ABCC4: variants seen among roughly 807,000 people sequenced by gnomAD.
ABCC4 encodes ATP-binding cassette sub-family C member 4.
ABCC4 carries 102 observed loss-of-function variants against 168.5 expected under a neutral mutation model. The ratio of observed to expected loss-of-function variants is 0.61; its 90% CI spans 0.52 to 0.71. The LOEUF (loss-of-function observed/expected upper bound fraction) is 0.71. Ranked by LOEUF, ABCC4 falls within the 30% of genes least tolerant of loss-of-function variation. The pLI, the probability that ABCC4 is intolerant of heterozygous loss-of-function variation, is 0.00. For synonymous variants in ABCC4, 617 were observed against 590.7 expected (o/e 1.04, Z -0.65); for missense variants, 1,402 against 1,605.8 (o/e 0.87, Z 2.17).
Position 95,073,308 on chromosome 13 carries a change from C to T in ABCC4, c.2918-4G>A, listed in dbSNP as rs775696518. 39 of 1,610,686 alleles carry T rather than the reference C, an allele frequency of 2.4e-5. No individual in the cohort carries two copies. The highest frequency in any genetic ancestry group is 2.3e-4 in the Admixed American group (14 of 59,846). On this transcript the variant is annotated splice_region_variant and splice_polypyrimidine_tract_variant and intron_variant, in intron 23 of 30. Coordinates refer to ENST00000645237, the MANE Select transcript of ABCC4 (RefSeq NM_005845.5). ...CCAACCTGCCCGGCATCCAGAGCTACGTAAGGAGGAAGAAGGGAATAAAGT... is the reference window on the plus strand; with the variant it reads ...CCAACCTGCCCGGCATCCAGAGCTATGTAAGGAGGAAGAAGGGAATAAAGT...
chr13:95,173,324 A>G (rs2037543671), intron 13 of ABCC4, among the ~76,000 whole-genome samples: 1 of 152,222 alleles, frequency 6.6e-6, no homozygotes, highest in Non-Finnish European at 1.5e-5. Flanking sequence ...TTCGCAGTCT[A>G]GTGCGGGGGC....
chr13:95,222,676 A>T (rs1412051529), intron 4 of ABCC4, among the ~76,000 whole-genome samples: 3 of 152,186 alleles, frequency 2.0e-5, no homozygotes, highest in Admixed American at 6.5e-5. Flanking sequence ...AATTCTCACC[A>T]GACCAGAGTG....
At chr13:95,259,430 G>A (rs973616442) in intron 1 of ABCC4, among the ~76,000 whole-genome samples, 1 of 151,918 alleles carries the variant, frequency 6.6e-6, no homozygotes, top group African/African-American at 2.4e-5. Context: ...CTAAGGCAAG[G>A]TTTCTCAGCC....
chr13:95,141,612 G>T (rs796381851), intron 19 of ABCC4, among the ~76,000 whole-genome samples: 5 of 152,200 alleles, frequency 3.3e-5, no homozygotes, highest in African/African-American at 1.2e-4. Context: ...GCCCATTTTT[G>T]AAAAGAACCT....
rs985424247 is a variant in ABCC4, at chr13:95,234,703, G to C, written c.438C>G (p.Leu146=). The change falls in exon 4 of 31, where the codon CTC becomes CTG. Residue 146 remains leucine (L), a synonymous_variant. Transcript: ENST00000645237. ...ATAAGTGATGCAGTATAGCCAAAAT[G>C]AGCGTGCAAAAAGTCAGCACCGTGG... The part of the protein sequence containing the change: ...AYATVLTFCT[L]ILAILHHLYF... 1.1e-5 allele frequency: 18 copies of C among 1,614,130 alleles called. No homozygotes were observed. Among genetic ancestry groups the C allele is most frequent in the Non-Finnish European group, 1.4e-5 (17 of 1,180,006 alleles).
intron 1 of ABCC4, among the ~76,000 whole-genome samples, chr13:95,278,990 C>T (rs1252274187): frequency 1.3e-5 from 2 of 150,964 alleles, no homozygotes; most frequent in Admixed American, 6.6e-5. Context: ...AAAAAAGACG[C>T]AAATAACAAC....
At chr13:95,267,849 C>T (rs997575654) in intron 1 of ABCC4, among the ~76,000 whole-genome samples, 3 of 152,188 alleles carry the variant, frequency 2.0e-5, no homozygotes, top group Admixed American at 1.3e-4. Context: ...TTGGAGCCAA[C>T]TGCTATTGCC....
At chr13:95,225,085 T>C (rs1417875325) in intron 4 of ABCC4, among the ~76,000 whole-genome samples, 6 of 151,254 alleles carry the variant, frequency 4.0e-5, no homozygotes, top group Non-Finnish European at 1.5e-5. Flanking sequence ...TAACCGGAGA[T>C]TTTAACTTCT....
At chr13:95,125,461 A>G (rs1221374704) in intron 19 of ABCC4, among the ~76,000 whole-genome samples, 1 of 152,216 alleles carries the variant, frequency 6.6e-6, no homozygotes, top group African/African-American at 2.4e-5. Context: ...AAAGTAAAAC[A>G]TTTAAAATAA....
At chr13:95,062,604 A>G (rs1751033) in intron 26 of ABCC4, 100 bp downstream of exon 26, 1 of 1,114,476 alleles carries the variant, frequency 9.0e-7, no homozygotes, top group East Asian at 2.6e-5. Context: ...GAAAAAAAAA[A>G]CAATCCTTTC....
intron 14 of ABCC4, 102 bp from the exon 15 acceptor site, chr13:95,166,469 T>G: frequency 9.9e-7 from 1 of 1,007,314 alleles, no homozygotes; most frequent in Non-Finnish European, 1.4e-6. Flanking sequence ...TAAGTTATGA[T>G]TATACTTAGG....
At chr13:95,227,977 T>G (rs896269219) in intron 4 of ABCC4, among the ~76,000 whole-genome samples, 21 of 152,262 alleles carry the variant, frequency 1.4e-4, no homozygotes, top group African/African-American at 4.6e-4. Flanking sequence ...CCCATAGTGT[T>G]GGGATTACAG....
intron 9 of ABCC4, among the ~76,000 whole-genome samples, chr13:95,189,323 CG>C (rs1395482462): frequency 3.3e-4 from 50 of 150,930 alleles, no homozygotes; most frequent in African/African-American, 1.2e-3. Flanking sequence ...TTAGTAGAGA[CG>C]GGGTTTCACC....
intron 1 of ABCC4, among the ~76,000 whole-genome samples, chr13:95,300,255 G>A (rs1274648260): frequency 2.0e-5 from 3 of 152,136 alleles, no homozygotes; most frequent in Non-Finnish European, 2.9e-5. Flanking sequence ...GTTTTAAGAA[G>A]GTAGAACTCC....
At chr13:95,285,903 G>C (rs2138932700) in intron 1 of ABCC4, among the ~76,000 whole-genome samples, 2 of 152,224 alleles carry the variant, frequency 1.3e-5, no homozygotes, top group South Asian at 4.1e-4. Flanking sequence ...GACTGGGTTG[G>C]AATCTGGAAT....
chr13:95,215,517 C>A (rs899711543), intron 4 of ABCC4, among the ~76,000 whole-genome samples: 5 of 152,086 alleles, frequency 3.3e-5, no homozygotes, highest in Non-Finnish European at 7.4e-5. Flanking sequence ...ACGACAATAG[C>A]ACACAAGATG....
At chr13:95,212,171 T>TA (rs752134006) in intron 4 of ABCC4, among the ~76,000 whole-genome samples, 1 of 26,178 alleles carries the variant, frequency 3.8e-5, no homozygotes, top group Admixed American at 3.4e-4. Flanking sequence ...TGAGACTGTC[T>TA]CAAAAAAAAA....
intron 13 of ABCC4, among the ~76,000 whole-genome samples, chr13:95,175,202 G>A (rs1211061904): frequency 2.0e-5 from 3 of 152,140 alleles, no homozygotes; most frequent in African/African-American, 4.8e-5. Context: ...TATCCACTTT[G>A]CTATCCAGGA....
chr13:95,063,736 T>G (rs1462225905), intron 25 of ABCC4, among the ~76,000 whole-genome samples: 1 of 152,140 alleles, frequency 6.6e-6, no homozygotes, highest in Non-Finnish European at 1.5e-5. Context: ...GATCAAAGAA[T>G]CAATAAAATG....
Sources: gnomAD v4.1 joint callset for allele counts (sites outside exome capture counted in the v4.1 genomes callset) on GRCh38, gnomAD v4.1.1 for gene constraint, MANE v1.5 for transcripts, NCBI Gene and HGNC (gene_info 2026-07-23, HGNC 2026-07-21) for gene names.